Variants in SPATA6 observed in about 807,000 individuals in gnomAD.
The protein encoded by SPATA6 is spermatogenesis associated 6.
Under a neutral mutation model 65.3 loss-of-function variants are expected in SPATA6, and 56 were observed. The observed-to-expected ratio is 0.86, with a 90% CI of 0.69 to 1.07. The LOEUF (loss-of-function observed/expected upper bound fraction) is 1.07. SPATA6 is among the 50% of genes least tolerant of loss of function. The pLI is 0.00. For missense variants in SPATA6, 590 were observed against 594.8 expected (o/e 0.99, Z 0.08); for synonymous variants, 199 against 213.2 (o/e 0.93, Z 0.58).
Position 48,308,641 on chromosome 1 carries a change from A to G in SPATA6, c.1195-2763T>C, listed in dbSNP as rs546985277. 2.0e-5 allele frequency among the ~76,000 whole-genome samples: 3 copies of G among 152,184 alleles called. No homozygotes were observed. In the South Asian group the frequency reaches 6.2e-4, roughly 32 times the overall value. On this transcript the variant is annotated intron_variant, in intron 11 of 12. Transcript: ENST00000371847. ...GTATTTCTTGTAGTGCAGATCTGCT[A>G]GTGATAAACTTGGTTTTATTTGAGA...
chr1:48,352,492 T>C (rs1410005065), intron 11 of SPATA6, among the ~76,000 whole-genome samples: 3 of 152,000 alleles, frequency 2.0e-5, no homozygotes, highest in Non-Finnish European at 2.9e-5. Context: ...CAGCAGAATA[T>C]AGGATTAGCA....
chr1:48,279,294 T>C, the SPATA6 span, among the ~76,000 whole-genome samples: 14 of 152,154 alleles, frequency 9.2e-5, no homozygotes, highest in African/African-American at 3.4e-4. Flanking sequence ...AATAACCAGA[T>C]AACATCAAAA....
At chr1:48,273,284 T>C in the SPATA6 span, among the ~76,000 whole-genome samples, 1 of 152,168 alleles carries the variant, frequency 6.6e-6, no homozygotes, top group Non-Finnish European at 1.5e-5. Flanking sequence ...TGATTTTGTG[T>C]ATGGTATAAT....
chr1:48,373,533 C>G (rs188564629), intron 9 of SPATA6, among the ~76,000 whole-genome samples: 1 of 152,206 alleles, frequency 6.6e-6, no homozygotes, highest in African/African-American at 2.4e-5. Flanking sequence ...GCCTGTTACC[C>G]AGTTCCAAAG....
intron 3 of SPATA6, among the ~76,000 whole-genome samples, chr1:48,439,063 G>T (rs569162991): frequency 6.6e-6 from 1 of 152,216 alleles, no homozygotes; most frequent in Non-Finnish European, 1.5e-5. Flanking sequence ...CTCCCTCAGG[G>T]TATGGCCCTC....
intron 11 of SPATA6, among the ~76,000 whole-genome samples, chr1:48,349,041 T>C (rs532365680): frequency 6.6e-6 from 1 of 152,142 alleles, no homozygotes; most frequent in Non-Finnish European, 1.5e-5. Flanking sequence ...CTCCTGGCAC[T>C]TTGACTATTT....
downstream of SPATA6, chr1:48,295,355 T>G (rs1320547917): frequency 6.6e-6 from 1 of 152,190 alleles, no homozygotes; most frequent in African/African-American, 2.4e-5. Flanking sequence ...ATCAATTGAA[T>G]GGATAAACAA....
At chr1:48,320,261 G>A (rs999294135) in intron 11 of SPATA6, among the ~76,000 whole-genome samples, 1 of 152,122 alleles carries the variant, frequency 6.6e-6, no homozygotes, top group Non-Finnish European at 1.5e-5. Flanking sequence ...AGTACAAGAG[G>A]GTTATAGCAA....
At chr1:48,292,767 G>C (rs1347243548), downstream of SPATA6, among the ~76,000 whole-genome samples, 3 of 152,260 alleles carry the variant, frequency 2.0e-5, no homozygotes, top group Middle Eastern at 3.2e-3. Flanking sequence ...GCCAGGGCCA[G>C]TTGTGTGCAT....
chr1:48,470,679 G>A (rs1413574719), intron 1 of SPATA6, among the ~76,000 whole-genome samples: 1 of 152,054 alleles, frequency 6.6e-6, no homozygotes, highest in African/African-American at 2.4e-5. Context: ...GTTCTGTGCT[G>A]CAGCAACCTC....
chr1:48,384,082 C>T (rs1205024030), intron 9 of SPATA6, among the ~76,000 whole-genome samples: 1 of 149,656 alleles, frequency 6.7e-6, no homozygotes, highest in East Asian at 2.0e-4. Flanking sequence ...ATCTGCAATC[C>T]CGGCACCTCG....
At chr1:48,449,126 A>T (rs1374763874) in intron 3 of SPATA6, among the ~76,000 whole-genome samples, 2 of 152,216 alleles carry the variant, frequency 1.3e-5, no homozygotes, top group African/African-American at 4.8e-5. Context: ...ATTTCAAAGT[A>T]ACAAAATTGC....
In SPATA6 at chr1:48,390,836, G is replaced by T. The variant is rs78743685; in HGVS notation, c.868+4431C>A. Among the ~76,000 whole-genome samples the T allele has an allele frequency of 1.8e-4, 28 of 152,188 alleles. No individual in the cohort carries two copies. In the East Asian group the frequency reaches 5.2e-3, roughly 28 times the overall value. On this transcript the variant is annotated intron_variant, in intron 8 of 12. Transcript: ENST00000371847. ...AGAAAATAAATAAAGACATATAATA[G>T]TCTGTATTCAGCATTTTTTATGGCA...
intron 12 of SPATA6, among the ~76,000 whole-genome samples, chr1:48,300,422 C>G (rs892986446): frequency 6.6e-6 from 1 of 151,962 alleles, no homozygotes; most frequent in Admixed American, 6.6e-5. Context: ...AATATTGAAA[C>G]AGTAATAAAA....
At chr1:48,343,074 A>G (rs1456209997) in intron 11 of SPATA6, among the ~76,000 whole-genome samples, 1 of 152,198 alleles carries the variant, frequency 6.6e-6, no homozygotes, top group African/African-American at 2.4e-5. Context: ...TAACAAAAAA[A>G]TGCTCACTCA....
intron 6 of SPATA6, among the ~76,000 whole-genome samples, chr1:48,401,362 G>T (rs1651145390): frequency 6.6e-6 from 1 of 151,930 alleles, no homozygotes; most frequent in Non-Finnish European, 1.5e-5. Context: ...CATACTACTA[G>T]AGAAAGTTAT....
chr1:48,317,060 A>G (rs912289910), intron 11 of SPATA6, among the ~76,000 whole-genome samples: 1 of 152,214 alleles, frequency 6.6e-6, no homozygotes, highest in African/African-American at 2.4e-5. Flanking sequence ...AGAAATAGGA[A>G]CACTTTTACA....
chr1:48,417,286 T>C (rs1268209634), intron 3 of SPATA6, among the ~76,000 whole-genome samples: 1 of 152,226 alleles, frequency 6.6e-6, no homozygotes, highest in East Asian at 1.9e-4. Flanking sequence ...TGTATTTTTA[T>C]GTAACAGCAA....
intron 11 of SPATA6, among the ~76,000 whole-genome samples, chr1:48,323,558 A>C (rs1452987936): frequency 6.6e-6 from 1 of 152,040 alleles, no homozygotes; most frequent in African/African-American, 2.4e-5. Flanking sequence ...CACAGAACTT[A>C]AAGTATAATA....
Sources: allele counts gnomAD v4.1 joint callset (sites outside exome capture counted in the v4.1 genomes callset), GRCh38; gene constraint gnomAD v4.1.1; transcripts MANE v1.5; gene names NCBI Gene and HGNC (gene_info 2026-07-23, HGNC 2026-07-21).